Variants in FARP1 observed in about 807,000 individuals in gnomAD.
The protein encoded by FARP1 is FERM, ARHGEF and pleckstrin domain-containing protein 1.
In FARP1, 52 loss-of-function variants were observed where a neutral mutation model predicts 128.8. The ratio of observed to expected loss-of-function variants is 0.40; its 90% confidence interval spans 0.32 to 0.51. The LOEUF is 0.51. Among genes scored for constraint, FARP1 ranks in the 20% least tolerant of loss-of-function variants. FARP1 has a pLI of 0.45. For missense variants in FARP1, 1,333 were observed against 1,367.9 expected (o/e 0.97, Z 0.40); for synonymous variants, 580 against 551.8 (o/e 1.05, Z -0.72).
rs1473666853 is a variant in FARP1 at position 98,241,025 on chromosome 13, A to G, written c.171+27612A>G. Among the ~76,000 whole-genome samples the G allele has an allele frequency of 1.1e-4, 16 of 152,370 alleles. No homozygotes were observed. The East Asian group carries it at 2.9e-3, about 28-fold the overall frequency. The stretch of plus-strand genomic sequence containing the variant: ...AGAAGGCAGAATCCCCGCCCTAGCG[A>G]AGATTCGAATCCAGCACGCGCACAT... On this transcript the variant is annotated intron_variant, in intron 2 of 26. Coordinates refer to ENST00000319562, the MANE Select transcript of FARP1 (RefSeq NM_005766.4).
intron 1 of FARP1, among the ~76,000 whole-genome samples, chr13:98,154,574 GC>G (rs1302313200): frequency 2.8e-4 from 42 of 152,194 alleles, no homozygotes; most frequent in Admixed American, 5.2e-4. Flanking sequence ...AACAGCGCCA[GC>G]GGGAATAAAT....
intron 3 of FARP1, among the ~76,000 whole-genome samples, chr13:98,347,529 C>T (rs1888232010): frequency 6.8e-6 from 1 of 146,562 alleles, no homozygotes; most frequent in African/African-American, 2.6e-5. Context: ...TTATCTCACT[C>T]AGCATAATGT....
intron 4 of FARP1, among the ~76,000 whole-genome samples, chr13:98,366,106 A>G (rs143300863): frequency 1.6e-3 from 245 of 152,280 alleles, no homozygotes; most frequent in Non-Finnish European, 3.0e-3. Flanking sequence ...CTCTGGTCCC[A>G]ATGTCATCCC....
chr13:98,156,918 T>G (rs2139115237), intron 1 of FARP1, among the ~76,000 whole-genome samples: 1 of 152,238 alleles, frequency 6.6e-6, no homozygotes, highest in East Asian at 1.9e-4. Context: ...AGCCAGTCAC[T>G]GAAATAGCAA....
intron 9 of FARP1, among the ~76,000 whole-genome samples, chr13:98,388,776 T>G (rs1890196497): frequency 6.6e-6 from 1 of 152,214 alleles, no homozygotes; most frequent in Non-Finnish European, 1.5e-5. Flanking sequence ...CAACCTGAGC[T>G]GTGCTATTGC....
intron 2 of FARP1, among the ~76,000 whole-genome samples, chr13:98,309,201 C>T (rs2061309039): frequency 9.4e-6 from 1 of 106,506 alleles, no homozygotes; most frequent in African/African-American, 3.7e-5. Context: ...GAGTCTCGCT[C>T]TGTGGCCCAG....
Position 98,446,662 on chromosome 13 carries a change from C to G in FARP1, c.2905-4C>G. 1 of 1,614,064 alleles carries G rather than the reference C, an allele frequency of 6.2e-7. No homozygotes were observed. Among genetic ancestry groups the G allele is most frequent in the African/African-American group, 1.3e-5 (1 of 75,052 alleles). Reference sequence around the variant, plus strand: ...AGCCACTTTGCTTTGTTTCCCCTTTCCAGGACAATCATCCCCTTGCCAGCC... The same window carrying G: ...AGCCACTTTGCTTTGTTTCCCCTTTGCAGGACAATCATCCCCTTGCCAGCC... On this transcript the variant is annotated splice_region_variant and splice_polypyrimidine_tract_variant and intron_variant, in intron 25 of 26. Coordinates refer to ENST00000319562, the MANE Select transcript of FARP1 (RefSeq NM_005766.4).
chr13:98,421,855 T>TTAA (rs1566308053), intron 16 of FARP1, among the ~76,000 whole-genome samples: 3 of 149,000 alleles, frequency 2.0e-5, no homozygotes, highest in African/African-American at 5.0e-5. Flanking sequence ...CCCATATCTT[T>TTAA]AAAAAAAAAA....
chr13:98,409,258 A>C (rs1223456232), intron 13 of FARP1, 80 bp from the exon 14 acceptor site: 3 of 1,120,406 alleles, frequency 2.7e-6, no homozygotes, highest in Non-Finnish European at 3.8e-6. Context: ...CGATTTGAAA[A>C]AGGTGAAAGT....
At chr13:98,169,090 CT>C (rs777881659) in intron 1 of FARP1, among the ~76,000 whole-genome samples, 2 of 152,146 alleles carry the variant, frequency 1.3e-5, no homozygotes, top group Non-Finnish European at 2.9e-5. Flanking sequence ...GTATCCATTG[CT>C]AATAACTTGA....
At chr13:98,312,293 A>G (rs1289425090) in intron 2 of FARP1, among the ~76,000 whole-genome samples, 40 of 151,740 alleles carry the variant, frequency 2.6e-4, no homozygotes, top group Admixed American at 2.6e-3. Context: ...GGCGCCCGCT[A>G]CCACGCCTGG....
At chr13:98,366,414 T>C (rs1408178487) in intron 4 of FARP1, among the ~76,000 whole-genome samples, 1 of 152,210 alleles carries the variant, frequency 6.6e-6, no homozygotes, top group Non-Finnish European at 1.5e-5. Flanking sequence ...GTCCTGAGCA[T>C]GGCTGGCAGG....
At chr13:98,341,024 ACT>A (rs944158920) in intron 2 of FARP1, 2 of 151,378 alleles carry the variant, frequency 1.3e-5, no homozygotes, top group African/African-American at 4.9e-5. Context: ...AGGTGATGTG[ACT>A]CTGCCACTGT....
At position 98,365,426 on chromosome 13, in the gene FARP1, A is replaced by G; in HGVS notation, c.308A>G (p.Lys103Arg). ...CTGGATCTCCTAAAACCCATTGTGA[A>G]ACAGATTAGAAGTGAGTATATACCA... ...VWLDLLKPIV[K>R]QIRRPKHVVV... Residue 103 changes from lysine (K) to arginine (R), a missense_variant, in exon 4 of 27, where the codon AAA (lysine) becomes AGA (arginine). Transcript: ENST00000319562. The G allele has an allele frequency of 6.2e-7, 1 of 1,608,688 alleles. No individual in the cohort carries two copies. Among genetic ancestry groups the G allele is most frequent in the African/African-American group, 1.3e-5 (1 of 74,924 alleles).
intron 2 of FARP1, among the ~76,000 whole-genome samples, chr13:98,254,980 CAA>C: frequency 6.6e-6 from 1 of 150,380 alleles, no homozygotes; most frequent in African/African-American, 2.5e-5. Flanking sequence ...CATTGAAAAA[CAA>C]AGGAAGAATT....
chr13:98,446,205 G>GGTAA lies in FARP1; in HGVS notation c.2904+3_2904+6dup, dbSNP rs768648743. ...GCCTGTTCTTCTACAAATCACACCA[G>GGTAA]GTAAGTGTCTCGCACAGGGCAGGTG... On this transcript the variant is annotated frameshift_variant and splice_region_variant. Transcript: ENST00000319562. LOFTEE classifies it high-confidence loss of function. 7.5e-6 allele frequency: 12 copies of GGTAA among 1,607,930 alleles called. No homozygotes were observed. In the African/African-American group the frequency reaches 8.0e-5, roughly 11 times the overall value.
rs555949551 is a variant in FARP1, at chr13:98,396,586, A to G, written c.1414+1110A>G. The G allele has an allele frequency of 1.8e-5, 7 of 398,536 alleles. No homozygotes were observed. In the East Asian group the frequency reaches 2.5e-4, roughly 14 times the overall value. 24.7% of individuals were successfully genotyped at this position (398,536 alleles called of 1,614,324 possible). A position where few individuals can be genotyped will look rare whatever the true frequency, so the allele number is the denominator to read the frequency against. ...CTGTTCTAGTGACTCATTCATTTGTAGTCTACATTTGTTAGAGGAGATTTT... is the reference window on the plus strand; with the variant it reads ...CTGTTCTAGTGACTCATTCATTTGTGGTCTACATTTGTTAGAGGAGATTTT... On this transcript the variant is annotated intron_variant, in intron 13 of 26. Coordinates refer to ENST00000319562, the MANE Select transcript of FARP1 (RefSeq NM_005766.4).
chr13:98,256,982 T>C (rs1383360999), intron 2 of FARP1, among the ~76,000 whole-genome samples: 2 of 131,172 alleles, frequency 1.5e-5, no homozygotes, highest in African/African-American at 3.0e-5. Context: ...TATATATATA[T>C]ATATATATAC....
chr13:98,221,449 TTACC>T (rs1170776509), intron 2 of FARP1, among the ~76,000 whole-genome samples: 1 of 152,178 alleles, frequency 6.6e-6, no homozygotes, highest in Non-Finnish European at 1.5e-5. Flanking sequence ...AGGGGAATCA[TTACC>T]TAAGCCAAAG....
Sources: allele counts gnomAD v4.1 joint callset (sites outside exome capture counted in the v4.1 genomes callset), GRCh38; gene constraint gnomAD v4.1.1; transcripts MANE v1.5; gene names NCBI Gene and HGNC (gene_info 2026-07-23, HGNC 2026-07-21).